NCOA1: variants seen among roughly 807,000 people sequenced by gnomAD.
NCOA1 encodes the protein Hin-2 protein.
In NCOA1, 35 loss-of-function variants were observed where a neutral mutation model predicts 150.9. That is an observed-to-expected ratio of 0.23 (90% CI 0.18 to 0.31). The LOEUF is 0.31. Among genes scored for constraint, NCOA1 ranks in the 10% least tolerant of loss-of-function variants. The pLI is 1.00. For synonymous variants in NCOA1, 590 were observed against 630.0 expected (o/e 0.94, Z 0.95); for missense variants, 1,491 against 1,749.3 (o/e 0.85, Z 2.63).
In NCOA1 at chr2:24,584,623, A is replaced by G. The variant is rs1443322720; in HGVS notation, c.-175+63A>G. 6 of 152,218 alleles carry G rather than the reference A, an allele frequency of 3.9e-5. No homozygotes were observed. The East Asian group carries it at 5.8e-4, about 15-fold the overall frequency. 9.4% of individuals were successfully genotyped at this position (152,218 alleles called of 1,614,324 possible). A position where few individuals can be genotyped will look rare whatever the true frequency, so the allele number is the denominator to read the frequency against. On this transcript the variant is annotated intron_variant, in intron 3 of 22. Coordinates refer to ENST00000348332, the MANE Select transcript of NCOA1 (RefSeq NM_003743.5). ...TATAGTGAATTCCTAATTTGGGCCT[A>G]TAGTGTGTCAGGCAACAGTTGGGCA...
Position 24,517,004 on chromosome 2 carries a change from G to GTGCACA in NCOA1, c.-396+25402_-396+25403insTGCACA, listed in dbSNP as rs1425804870. On this transcript the variant is annotated intron_variant, in intron 1 of 22. Coordinates refer to ENST00000348332, the MANE Select transcript of NCOA1 (RefSeq NM_003743.5). ...TATACGTATATATATACACACGCGCGCACACACACACACACACACACACAC... is the reference window on the plus strand; with the variant it reads ...TATACGTATATATATACACACGCGCGTGCACACACACACACACACACACACACACAC... 3.0e-4 allele frequency among the ~76,000 whole-genome samples: 25 copies of GTGCACA among 83,932 alleles called. 1 individual carries two copies. Among genetic ancestry groups the GTGCACA allele is most frequent in the African/African-American group, 1.0e-3 (25 of 24,896 alleles). 55.1% of individuals were successfully genotyped at this position (83,932 alleles called of 152,430 possible). A position where few individuals can be genotyped will look rare whatever the true frequency, so the allele number is the denominator to read the frequency against.
intron 1 of NCOA1, among the ~76,000 whole-genome samples, chr2:24,540,619 T>G (rs1665351025): frequency 6.6e-6 from 1 of 152,010 alleles, no homozygotes; most frequent in Non-Finnish European, 1.5e-5. Flanking sequence ...CCACCACACC[T>G]GGCTAATTTT....
At chr2:24,602,770 G>A (rs1036038874) in intron 3 of NCOA1, among the ~76,000 whole-genome samples, 2 of 151,982 alleles carry the variant, frequency 1.3e-5, no homozygotes, top group Non-Finnish European at 2.9e-5. Context: ...ACATTGTTTA[G>A]TATGTTAATG....
Position 24,739,449 on chromosome 2 carries a change from G to A in NCOA1, c.3219G>A (p.Arg1073=), listed in dbSNP as rs138881005. 5 of 1,613,386 alleles carry A rather than the reference G, an allele frequency of 3.1e-6. No homozygotes were observed. Among genetic ancestry groups the A allele is most frequent in the African/African-American group, 1.3e-5 (1 of 74,878 alleles). The stretch of plus-strand genomic sequence containing the variant: ...TTCTCTAGTTGATACACCAAAATCG[G>A]CAAGCTATCTTAAACCAGTTTGCAG... ...QGQQQLIHQN[R]QAILNQFAAT... is the part of the protein sequence containing the mutation. The change falls in exon 18 of 23, where the codon CGG becomes CGA. Residue 1073 remains arginine, a synonymous_variant. Coordinates refer to ENST00000348332, the MANE Select transcript of NCOA1 (RefSeq NM_003743.5).
At chr2:24,621,241 C>T (rs1009993212) in intron 3 of NCOA1, among the ~76,000 whole-genome samples, 2 of 152,004 alleles carry the variant, frequency 1.3e-5, no homozygotes, top group African/African-American at 4.8e-5. Context: ...TAGAAAATTA[C>T]AGTAACGGCA....
At chr2:24,764,552 T>A (rs1202423951) in intron 22 of NCOA1, among the ~76,000 whole-genome samples, 3 of 152,146 alleles carry the variant, frequency 2.0e-5, no homozygotes, top group Non-Finnish European at 4.4e-5. Context: ...TAGAAGGAAC[T>A]GGAAGGCCAC....
chr2:24,710,799 ATTATTTCTTCT>A (rs1485762912), intron 13 of NCOA1, 121 bp from the exon 14 acceptor site: 1 of 867,250 alleles, frequency 1.2e-6, no homozygotes, highest in African/African-American at 1.7e-5. Context: ...AATCATTCTA[ATTATTTCTTCT>A]TTCTTCATTA....
At chr2:24,495,749 G>GGT (rs1663180109) in intron 1 of NCOA1, among the ~76,000 whole-genome samples, 1 of 152,134 alleles carries the variant, frequency 6.6e-6, no homozygotes, top group Non-Finnish European at 1.5e-5. Flanking sequence ...GACAGACAGA[G>GGT]GTGTCCTAGC....
Position 24,595,749 on chromosome 2 carries a change from C to T in NCOA1, c.-175+11189C>T, listed in dbSNP as rs189303906. Among the ~76,000 whole-genome samples, 469 of 152,084 alleles carry T rather than the reference C, an allele frequency of 3.1e-3. 5 individuals carry two copies. The highest frequency in any genetic ancestry group is 0.021 in the Middle Eastern group (6 of 292). ...TTTTAGGGCCTTTTTAGCCTTGCAG[C>T]CTCTGCATAGAGGTTATGGAGCTCT... On this transcript the variant is annotated intron_variant, in intron 3 of 22. Coordinates refer to ENST00000348332, the MANE Select transcript of NCOA1 (RefSeq NM_003743.5).
chr2:24,627,001 TAGAA>T (rs1273327623), intron 3 of NCOA1, among the ~76,000 whole-genome samples: 3 of 152,074 alleles, frequency 2.0e-5, no homozygotes, highest in Admixed American at 6.5e-5. Context: ...GACTGCCTGT[TAGAA>T]AGAGAAAATA....
chr2:24,762,334 A>G (rs923769620), intron 21 of NCOA1, among the ~76,000 whole-genome samples: 9 of 152,244 alleles, frequency 5.9e-5, no homozygotes, highest in Non-Finnish European at 2.9e-5. Context: ...GTCTACCACT[A>G]ATTAACATAT....
At chr2:24,685,187 G>T (rs1672346265) in intron 8 of NCOA1, among the ~76,000 whole-genome samples, 1 of 151,976 alleles carries the variant, frequency 6.6e-6, no homozygotes, top group Non-Finnish European at 1.5e-5. Context: ...TTTCCAAGGA[G>T]AAATTTTGAA....
At chr2:24,594,979 A>G (rs889231726) in intron 3 of NCOA1, among the ~76,000 whole-genome samples, 2 of 152,088 alleles carry the variant, frequency 1.3e-5, no homozygotes, top group Admixed American at 1.3e-4. Flanking sequence ...GAAGAAAATT[A>G]AATGGGCCAA....
chr2:24,641,431 C>T (rs929436017), intron 3 of NCOA1, among the ~76,000 whole-genome samples: 3 of 152,038 alleles, frequency 2.0e-5, no homozygotes, highest in Non-Finnish European at 4.4e-5. Context: ...TATTTACCCT[C>T]ATATTTATGA....
chr2:24,562,373 A>G (rs1038980344), intron 1 of NCOA1, among the ~76,000 whole-genome samples: 3 of 152,228 alleles, frequency 2.0e-5, no homozygotes, highest in Non-Finnish European at 4.4e-5. Context: ...GTGTAATGCA[A>G]ATATCCCCAA....
intron 1 of NCOA1, among the ~76,000 whole-genome samples, chr2:24,562,689 G>A (rs1044397949): frequency 6.6e-6 from 1 of 152,220 alleles, no homozygotes; most frequent in African/African-American, 2.4e-5. Context: ...TCACATGGTT[G>A]TGTGATTTTT....
chr2:24,576,064 G>C (rs1430986110), intron 2 of NCOA1, among the ~76,000 whole-genome samples: 2 of 150,958 alleles, frequency 1.3e-5, no homozygotes, highest in Non-Finnish European at 2.9e-5. Context: ...ATACTTCATG[G>C]ATTGGGAGGT....
chr2:24,569,618 T>C (rs1666657504), intron 2 of NCOA1, among the ~76,000 whole-genome samples: 1 of 142,666 alleles, frequency 7.0e-6, no homozygotes, highest in Non-Finnish European at 1.5e-5. Context: ...AGGCCTGTAA[T>C]CCTAGCATTT....
At chr2:24,715,059 C>T (rs549095409) in intron 14 of NCOA1, among the ~76,000 whole-genome samples, 2 of 152,126 alleles carry the variant, frequency 1.3e-5, no homozygotes, top group South Asian at 2.1e-4. Flanking sequence ...AAACAACTAA[C>T]TTTCTGTATC....
Sources: allele counts gnomAD v4.1 joint callset (sites outside exome capture counted in the v4.1 genomes callset), GRCh38; gene constraint gnomAD v4.1.1; transcripts MANE v1.5; gene names NCBI Gene and HGNC (gene_info 2026-07-23, HGNC 2026-07-21).